NBEA: variants seen among roughly 807,000 people sequenced by gnomAD.
NBEA encodes the protein neurobeachin, also known as lysosomal-trafficking regulator 2.
Under a neutral mutation model 343.4 loss-of-function variants are expected in NBEA, and 44 were observed. That is an observed-to-expected ratio of 0.13 (90% CI 0.10 to 0.16). The LOEUF (loss-of-function observed/expected upper bound fraction) is 0.16. Among genes scored for constraint, NBEA ranks in the 10% least tolerant of loss-of-function variants. NBEA has a pLI of 1.00. For missense variants in NBEA, 2,555 were observed against 3,631.3 expected (o/e 0.70, Z 7.62); for synonymous variants, 1,175 against 1,238.7 (o/e 0.95, Z 1.08).
At chr13:35,091,071 G>A (rs902880549) in intron 10 of NBEA, among the ~76,000 whole-genome samples, 1 of 151,874 alleles carries the variant, frequency 6.6e-6, no homozygotes, top group African/African-American at 2.4e-5. Flanking sequence ...ACGTTGTTCT[G>A]TTATGGCCCA....
At chr13:35,128,541 G>C (rs2067249285) in intron 17 of NBEA, among the ~76,000 whole-genome samples, 2 of 152,146 alleles carry the variant, frequency 1.3e-5, no homozygotes, top group African/African-American at 4.8e-5. Context: ...GCTGGCTCCA[G>C]GGGCTCATGG....
At chr13:35,142,421 T>G (rs764731300) in intron 18 of NBEA, 44 bp downstream of exon 18, 1 of 1,410,878 alleles carries the variant, frequency 7.1e-7, no homozygotes, top group Non-Finnish European at 1.0e-6. Context: ...GTGTATACAG[T>G]GGAAACCCTC....
chr13:35,134,315 A>G (rs1202704423), intron 17 of NBEA, among the ~76,000 whole-genome samples: 2 of 151,868 alleles, frequency 1.3e-5, no homozygotes, highest in Non-Finnish European at 2.9e-5. Context: ...ATATATGTTC[A>G]ATCTTACATA....
chr13:35,197,745 C>T (rs1317953918), intron 31 of NBEA, among the ~76,000 whole-genome samples: 1 of 152,120 alleles, frequency 6.6e-6, no homozygotes, highest in African/African-American at 2.4e-5. Flanking sequence ...CATGATCCAC[C>T]CGCCTTTGCC....
At chr13:35,376,252 C>A (rs1414041071) in intron 38 of NBEA, among the ~76,000 whole-genome samples, 1 of 152,046 alleles carries the variant, frequency 6.6e-6, no homozygotes, top group Non-Finnish European at 1.5e-5. Context: ...GGTATTTGTT[C>A]ATTGATATGA....
chr13:35,293,242 A>G (rs532381406), intron 35 of NBEA, among the ~76,000 whole-genome samples: 4 of 151,752 alleles, frequency 2.6e-5, no homozygotes, highest in South Asian at 4.1e-4. Flanking sequence ...CATCCAGTCT[A>G]CCCCCCAATG....
rs766881361 is a variant in NBEA, at chr13:35,550,935, G to A, written c.6709G>A (p.Val2237Ile). 1.3e-6 allele frequency: 2 copies of A among 1,599,480 alleles called. No individual in the cohort carries two copies. The highest frequency in any genetic ancestry group is 4.5e-5 in the East Asian group (2 of 44,690). Reference sequence around the variant, plus strand: ...TTTTTTTCTTCTTACCACAGCCTCAGTTATGTTTAATTTCCCTGATCAAGC... The same window carrying A: ...TTTTTTTCTTCTTACCACAGCCTCAATTATGTTTAATTTCCCTGATCAAGC... The part of the protein sequence containing the change: ...LEVFMANRTS[V>I]MFNFPDQATV... The change falls in exon 43 of 59, where the codon GTT becomes ATT. Residue 2237 changes from valine to isoleucine, a missense_variant. Val to Ile is a conservative substitution (Grantham distance 29, BLOSUM62 3). Coordinates refer to ENST00000379939, the MANE Select transcript of NBEA (RefSeq NM_001385012.1).
chr13:35,511,298 G>T (rs2077266242), intron 41 of NBEA, among the ~76,000 whole-genome samples: 1 of 152,028 alleles, frequency 6.6e-6, no homozygotes, highest in Non-Finnish European at 1.5e-5. Flanking sequence ...TACAATGACT[G>T]GACTTTAAAG....
chr13:35,459,664 A>G (rs1294953659), intron 40 of NBEA, among the ~76,000 whole-genome samples: 2 of 152,192 alleles, frequency 1.3e-5, no homozygotes, highest in Admixed American at 1.3e-4. Context: ...ATATCCAGAT[A>G]CCACAGGCAA....
chr13:35,046,750 C>T (rs995299680), intron 4 of NBEA, among the ~76,000 whole-genome samples: 4 of 152,066 alleles, frequency 2.6e-5, no homozygotes, highest in African/African-American at 9.7e-5. Context: ...CTCAAAATAT[C>T]TTAATGTACT....
chr13:35,175,558 C>A lies in NBEA; in HGVS notation c.4555-1438C>A, dbSNP rs555407784. On this transcript the variant is annotated intron_variant, in intron 27 of 58. Coordinates refer to ENST00000379939, the MANE Select transcript of NBEA (RefSeq NM_001385012.1). ...TATTTCACTGATTGTAGAATATGGA[C>A]AGAAAAGCCCAGTGGGAAGGAAATT... is the stretch of plus-strand genomic sequence containing the variant. Among the ~76,000 whole-genome samples the A allele has an allele frequency of 2.6e-5, 4 of 152,186 alleles. 1 individual carries two copies. The highest frequency in any genetic ancestry group is 9.6e-5 in the African/African-American group (4 of 41,550).
At chr13:35,383,968 A>G (rs576664971) in intron 38 of NBEA, among the ~76,000 whole-genome samples, 1 of 152,230 alleles carries the variant, frequency 6.6e-6, no homozygotes, top group South Asian at 2.1e-4. Context: ...GTATTGGCAT[A>G]TGACTGGCTG....
At chr13:35,117,689 A>G (rs2066569991) in intron 14 of NBEA, among the ~76,000 whole-genome samples, 196 bp downstream of exon 14, 1 of 151,984 alleles carries the variant, frequency 6.6e-6, no homozygotes, top group African/African-American at 2.4e-5. Flanking sequence ...TTCCCTATTA[A>G]GGGATGTGAC....
intron 33 of NBEA, among the ~76,000 whole-genome samples, chr13:35,216,802 C>G (rs1051643595): frequency 6.6e-6 from 1 of 151,794 alleles, no homozygotes; most frequent in Admixed American, 6.6e-5. Flanking sequence ...TAAACATACA[C>G]CTACTAAAGG....
intron 41 of NBEA, chr13:35,474,955 G>T: frequency 8.1e-7 from 1 of 1,240,806 alleles, no homozygotes; most frequent in Non-Finnish European, 1.1e-6. Context: ...TAAAGGAAGA[G>T]ATTGTTTGCA....
intron 38 of NBEA, among the ~76,000 whole-genome samples, chr13:35,395,527 A>G (rs1034695189): frequency 1.1e-4 from 17 of 152,190 alleles, no homozygotes; most frequent in African/African-American, 4.1e-4. Flanking sequence ...TCTTTTCTTC[A>G]TAAATTACCC....
chr13:35,096,974 G>GT (rs2065367551), intron 10 of NBEA, among the ~76,000 whole-genome samples: 1 of 151,618 alleles, frequency 6.6e-6, no homozygotes, highest in African/African-American at 2.4e-5. Context: ...TTTTTTTGTG[G>GT]TTTAAGGATA....
chr13:35,515,919 G>A (rs1486793143), intron 41 of NBEA, among the ~76,000 whole-genome samples: 1 of 152,080 alleles, frequency 6.6e-6, no homozygotes, highest in African/African-American at 2.4e-5. Flanking sequence ...CACACAATAA[G>A]ATGCAATTAT....
At chr13:35,262,527 C>G (rs1410711313) in intron 34 of NBEA, among the ~76,000 whole-genome samples, 3 of 152,100 alleles carry the variant, frequency 2.0e-5, no homozygotes, top group African/African-American at 7.2e-5. Flanking sequence ...TAGATGAACT[C>G]AAAGACATTA....
Sources: allele counts gnomAD v4.1 joint callset (sites outside exome capture counted in the v4.1 genomes callset), GRCh38; gene constraint gnomAD v4.1.1; transcripts MANE v1.5; gene names NCBI Gene and HGNC (gene_info 2026-07-23, HGNC 2026-07-21).